The following FBXO41 variants were observed in gnomAD, a reference collection of about 807,000 sequenced individuals.
FBXO41 encodes F-box only protein 41.
Under a neutral mutation model 81.6 loss-of-function variants are expected in FBXO41, and 33 were observed. That is an observed-to-expected ratio of 0.40 (90% CI 0.31 to 0.54). The LOEUF is 0.54. Among genes scored for constraint, FBXO41 ranks in the 20% least tolerant of loss-of-function variants. FBXO41 has a pLI of 0.39. For synonymous variants in FBXO41, 576 were observed against 552.7 expected (o/e 1.04, Z -0.59); for missense variants, 1,107 against 1,236.0 (o/e 0.90, Z 1.56).
Position 73,263,194 on chromosome 2 carries a change from C to T in FBXO41, c.2171+19G>A. The T allele has an allele frequency of 6.4e-7, 1 of 1,550,946 alleles. No homozygotes were observed. On this transcript the variant is annotated intron_variant, in intron 9 of 12. Coordinates refer to ENST00000520530, the MANE Select transcript of FBXO41 (RefSeq NM_001371389.2). ...CAACCGTGTCCCCCCTCCTATCCCC[C>T]AAACCTGCCAGGGCTCACCAGGGGT...
rs1295928067 is a variant in FBXO41 at position 73,276,592 on chromosome 2, GAGAGA to G, written c.-138-6829_-138-6825del. On this transcript the variant is annotated intron_variant, in intron 1 of 12. Coordinates refer to ENST00000520530, the MANE Select transcript of FBXO41 (RefSeq NM_001371389.2). ...AGAGAGAGAGAGAGAGAGAGAGAGAGAGAGAGAGAGAGGGAGAGAGGGAGAGAGGG... is the reference window on the plus strand; with the variant it reads ...AGAGAGAGAGAGAGAGAGAGAGAGAGGAGAGAGGGAGAGAGGGAGAGAGGG... Among the ~76,000 whole-genome samples, 238 of 130,510 alleles carry G rather than the reference GAGAGA, an allele frequency of 1.8e-3. 4 individuals carry two copies. In the East Asian group the frequency reaches 0.056, roughly 31 times the overall value. The allele number at this position is 130,510 out of a possible 152,430, so 85.6% of individuals were successfully genotyped here. A position where few individuals can be genotyped will look rare whatever the true frequency, so the allele number is the denominator to read the frequency against.
Position 73,268,784 on chromosome 2 carries a change from G to C in FBXO41, c.847C>G (p.Leu283Val). The C allele has an allele frequency of 3.2e-6, 5 of 1,580,692 alleles. No individual in the cohort carries two copies. The highest frequency in any genetic ancestry group is 4.3e-6 in the Non-Finnish European group (5 of 1,163,276). ...SRQVDVSVELLASLKQDLVHK... is the reference protein window; with the variant it reads ...SRQVDVSVELVASLKQDLVHK... ...ACCAGGTCCTGCTTGAGTGAGGCCA[G>C]CAGCTCTACGCTCACGTCCACCTGG... The change falls in exon 2 of 13, where the codon CTG becomes GTG. Residue 283 changes from leucine (L) to valine (V), a missense_variant. Coordinates refer to ENST00000520530, the MANE Select transcript of FBXO41 (RefSeq NM_001371389.2).
Position 73,265,442 on chromosome 2 carries a change from C to A in FBXO41, c.1404G>T (p.Gln468His), listed in dbSNP as rs1346240847. Residue 468 changes from glutamine to histidine, a missense_variant, in exon 5 of 13, where the codon CAG (glutamine) becomes CAT (histidine). By Grantham distance (24) the Gln-to-His change is conservative. Transcript: ENST00000520530. ...RSSGLRRQAI[Q>H]NWQRRPRRHS... is the part of the protein sequence containing the mutation. Reference sequence around the variant, plus strand: ...GTCGGCGGGGTCTGCGCTGCCAGTTCTGGATGGCCTGGCGCCGCAGGCCTG... The same window carrying A: ...GTCGGCGGGGTCTGCGCTGCCAGTTATGGATGGCCTGGCGCCGCAGGCCTG... 3 of 1,607,244 alleles carry A rather than the reference C, an allele frequency of 1.9e-6. No homozygotes were observed. Among genetic ancestry groups the A allele is most frequent in the Non-Finnish European group, 2.5e-6 (3 of 1,179,480 alleles).
rs1020097243 is a variant in FBXO41, at chr2:73,284,298, C to G, written c.-277G>C. Reference sequence around the variant, plus strand: ...CCTCCGCAGCCTTGGGTGGCCGCCGCGGCTAGCGCCCCCGCCTCCCTCTCG... The same window carrying G: ...CCTCCGCAGCCTTGGGTGGCCGCCGGGGCTAGCGCCCCCGCCTCCCTCTCG... On this transcript the variant is annotated 5_prime_UTR_variant, in exon 1 of 13. Transcript: ENST00000520530. The surrounding 1 kb of genome is among the most constrained non-coding windows in gnomAD (Gnocchi z 7.4). 1 of 152,042 alleles carries G rather than the reference C, an allele frequency of 6.6e-6. No individual in the cohort carries two copies. The highest frequency in any genetic ancestry group is 1.5e-5 in the Non-Finnish European group (1 of 67,998). 9.4% of individuals were successfully genotyped at this position (152,042 alleles called of 1,614,324 possible). A position where few individuals can be genotyped will look rare whatever the true frequency, so the allele number is the denominator to read the frequency against.
chr2:73,265,849 G>A (rs1257712792), intron 4 of FBXO41, 44 bp downstream of exon 4: 1 of 1,551,238 alleles, frequency 6.4e-7, no homozygotes, highest in African/African-American at 1.4e-5. Flanking sequence ...GATCCTTCCA[G>A]GGTGAGGGTG....
In FBXO41 at chr2:73,263,918, C is replaced by T. The variant is rs778624816; in HGVS notation, c.1922+20G>A. On this transcript the variant is annotated intron_variant, in intron 7 of 12. Transcript: ENST00000520530. ...TCTGTGGCCCAACAGCACCCACCAC[C>T]CACCCATCGCAGGCCTCACCGGGTG... 1 of 1,613,086 alleles carries T rather than the reference C, an allele frequency of 6.2e-7. No homozygotes were observed. Among genetic ancestry groups the T allele is most frequent in the Non-Finnish European group, 8.5e-7 (1 of 1,179,452 alleles).
At position 73,256,616 on chromosome 2, in the gene FBXO41, A is replaced by G. The variant is rs1687824226; in HGVS notation, c.*2366T>C. ...GGAGGACTGAGGGGCTTTCCTGGAA[A>G]TAGCCAAACCCATGGGAAGTGGACG... On this transcript the variant is annotated 3_prime_UTR_variant, in exon 13 of 13. Coordinates refer to ENST00000520530, the MANE Select transcript of FBXO41 (RefSeq NM_001371389.2). 6.6e-6 allele frequency: 1 copy of G among 152,336 alleles called. No homozygotes were observed. The highest frequency in any genetic ancestry group is 2.4e-5 in the African/African-American group (1 of 41,450). 9.4% of individuals were successfully genotyped at this position (152,336 alleles called of 1,614,324 possible). A position where few individuals can be genotyped will look rare whatever the true frequency, so the allele number is the denominator to read the frequency against.
In FBXO41 at chr2:73,258,301, A is replaced by T. The variant is rs1385957074; in HGVS notation, c.*681T>A. 6.6e-6 allele frequency: 1 copy of T among 152,280 alleles called. No homozygotes were observed. The highest frequency in any genetic ancestry group is 2.4e-5 in the African/African-American group (1 of 41,412). 9.4% of individuals were successfully genotyped at this position (152,280 alleles called of 1,614,324 possible). A position where few individuals can be genotyped will look rare whatever the true frequency, so the allele number is the denominator to read the frequency against. Reference sequence around the variant, plus strand: ...ATAAATAAGTTTTCTCCCCCTGGCAATCCCCCACCTTGGAAGGGTGGTCTC... The same window carrying T: ...ATAAATAAGTTTTCTCCCCCTGGCATTCCCCCACCTTGGAAGGGTGGTCTC... On this transcript the variant is annotated 3_prime_UTR_variant, in exon 13 of 13. Transcript: ENST00000520530.
intron 1 of FBXO41, among the ~76,000 whole-genome samples, chr2:73,283,083 G>A (rs1688892334): frequency 6.6e-6 from 1 of 152,222 alleles, no homozygotes; most frequent in Non-Finnish European, 1.5e-5. Context: ...GAAGCTCTAA[G>A]CTCGGTACTT....
intron 1 of FBXO41, among the ~76,000 whole-genome samples, chr2:73,270,314 CTCTA>C (rs959423849): frequency 4.4e-4 from 67 of 152,314 alleles, no homozygotes; most frequent in African/African-American, 1.6e-3. Flanking sequence ...GGAGAATGTT[CTCTA>C]TCTGCTTTGA....
Position 73,265,512 on chromosome 2 carries a change from T to G in FBXO41, c.1334A>C (p.Gln445Pro), listed in dbSNP as rs763063450. Reference protein sequence around the residue: ...SGPGGLGTRAQAANGGSERSQ... With the variant: ...SGPGGLGTRAPAANGGSERSQ... ...CCGCTCTGAGCCCCCGTTGGCAGCCTGGGCCCGTGTGCCCAAGCCCCCAGG... is the reference window on the plus strand; with the variant it reads ...CCGCTCTGAGCCCCCGTTGGCAGCCGGGGCCCGTGTGCCCAAGCCCCCAGG... The change falls in exon 5 of 13, where the codon CAG becomes CCG. Residue 445 changes from glutamine (Q) to proline (P), a missense_variant. Coordinates refer to ENST00000520530, the MANE Select transcript of FBXO41 (RefSeq NM_001371389.2). The G allele has an allele frequency of 1.5e-5, 24 of 1,595,150 alleles. No individual in the cohort carries two copies. The East Asian group carries it at 5.0e-4, about 33-fold the overall frequency.
chr2:73,276,593 AGAGAGAGAGAGGGAGAGAGGGAGAGAGG>A (rs547605656), intron 1 of FBXO41, among the ~76,000 whole-genome samples: 3,771 of 131,390 alleles, frequency 0.029, 143 homozygotes, highest in East Asian at 0.25. Flanking sequence ...AGAGAGAGAG[AGAGAGAGAGAGGGAGAGAGGGAGAGAGG>A]GAGAGAATGC....
chr2:73,271,255 TC>T, intron 1 of FBXO41: 1 of 288,096 alleles, frequency 3.5e-6, no homozygotes, highest in South Asian at 3.3e-5. Context: ...CCAGTCCTCC[TC>T]CTGGTAACAG....
chr2:73,259,051 A>C lies in FBXO41; in HGVS notation c.2566-7T>G. ...CGGGCCTCCGTCGCAGAGCCTGCGG[A>C]CCGAACCCTGGGTTAGTTCTCCCTC... is the stretch of plus-strand genomic sequence containing the variant. On this transcript the variant is annotated splice_polypyrimidine_tract_variant and splice_region_variant and intron_variant, in intron 12 of 12. Transcript: ENST00000520530. This position sits in a 1 kb window ranked among gnomAD's most constrained non-coding sequence, Gnocchi z 4.2. The C allele has an allele frequency of 6.2e-7, 1 of 1,604,606 alleles. No homozygotes were observed. The highest frequency in any genetic ancestry group is 8.5e-7 in the Non-Finnish European group (1 of 1,175,480).
intron 1 of FBXO41, among the ~76,000 whole-genome samples, chr2:73,274,265 G>T (rs1439113747): frequency 6.6e-6 from 1 of 152,214 alleles, no homozygotes; most frequent in Non-Finnish European, 1.5e-5. Flanking sequence ...GATTGTGATG[G>T]CTGGACAGTT....
chr2:73,260,654 C>A lies in FBXO41; in HGVS notation c.2290+86G>T. 1.3e-6 allele frequency: 2 copies of A among 1,525,606 alleles called. No individual in the cohort carries two copies. Among genetic ancestry groups the A allele is most frequent in the African/African-American group, 2.7e-5 (2 of 72,754 alleles). The allele number at this position is 1,525,606 out of a possible 1,614,324, so 94.5% of individuals were successfully genotyped here. On this transcript the variant is annotated intron_variant, in intron 10 of 12. Transcript: ENST00000520530. This position sits in a 1 kb window ranked among gnomAD's most constrained non-coding sequence, Gnocchi z 5.0. Reference sequence around the variant, plus strand: ...ACCTGCCACCACCCAGGCTGCAGCCCCAAGCCCCTGTGGGATTTCACAAGG... The same window carrying A: ...ACCTGCCACCACCCAGGCTGCAGCCACAAGCCCCTGTGGGATTTCACAAGG...
At chr2:73,268,605 G>A in intron 2 of FBXO41, 121 bp downstream of exon 2, 1 of 987,416 alleles carries the variant, frequency 1.0e-6, no homozygotes. Flanking sequence ...TCCTGGCCAC[G>A]GATCCTCTAT....
rs375375735 is a variant in FBXO41 at position 73,267,000 on chromosome 2, C to T, written c.906-318G>A. ...TCAGTCCCACACAACCCCAGGCATA[C>T]ATACATCCCCACACACATGTACCCC... On this transcript the variant is annotated intron_variant, in intron 2 of 12. Coordinates refer to ENST00000520530, the MANE Select transcript of FBXO41 (RefSeq NM_001371389.2). This position sits in a 1 kb window ranked among gnomAD's most constrained non-coding sequence, Gnocchi z 5.3. 2.6e-5 allele frequency among the ~76,000 whole-genome samples: 4 copies of T among 152,176 alleles called. No individual in the cohort carries two copies. Among genetic ancestry groups the T allele is most frequent in the Non-Finnish European group, 5.9e-5 (4 of 68,032 alleles).
Position 73,264,034 on chromosome 2 carries a change from T to G in FBXO41, c.1826A>C (p.Gln609Pro). Residue 609 changes from glutamine (Q) to proline (P), a missense_variant, in exon 7 of 13, where the codon CAG (glutamine) becomes CCG (proline). Gln to Pro is a moderately conservative substitution (Grantham distance 76). Transcript: ENST00000520530. ...CAGAGAGTGGGCCTGGGTGCACCAC[T>G]GAGCCAGCATTGCCAGGAACTGTGG... ...VCSKFLAMLA[Q>P]WCTQAHSLTL... 1 of 1,598,098 alleles carries G rather than the reference T, an allele frequency of 6.3e-7. No homozygotes were observed. The highest frequency in any genetic ancestry group is 8.5e-7 in the Non-Finnish European group (1 of 1,172,080).
Sources: allele counts gnomAD v4.1 joint callset (sites outside exome capture counted in the v4.1 genomes callset), GRCh38; gene constraint gnomAD v4.1.1; non-coding constraint Gnocchi (gnomAD v3.1); transcripts MANE v1.5; gene names NCBI Gene and HGNC (gene_info 2026-07-23, HGNC 2026-07-21).